HIRA: variants seen among roughly 807,000 people sequenced by gnomAD.
HIRA encodes histone cell cycle regulator.
Under a neutral mutation model 126.6 loss-of-function variants are expected in HIRA, and 13 were observed. The observed-to-expected ratio is 0.10, with a 90% CI of 0.07 to 0.16. The LOEUF is 0.16. Ranked by LOEUF, HIRA falls within the 10% of genes least tolerant of loss-of-function variation. The pLI, the probability that HIRA is intolerant of heterozygous loss-of-function variation, is 1.00. For missense variants in HIRA, 834 were observed against 1,314.4 expected (o/e 0.63, Z 5.65); for synonymous variants, 511 against 520.0 (o/e 0.98, Z 0.24).
intron 5 of HIRA, chr22:19,399,324 A>G (rs956835769): frequency 5.4e-6 from 1 of 185,136 alleles, no homozygotes; most frequent in African/African-American, 2.4e-5. Flanking sequence ...TTTTCCAGTT[A>G]AAAAAAAACT....
chr22:19,404,007 C>T (rs1039582388), intron 5 of HIRA, among the ~76,000 whole-genome samples: 3 of 152,098 alleles, frequency 2.0e-5, no homozygotes, highest in Admixed American at 1.3e-4. Flanking sequence ...ATAGTACAAA[C>T]ATTATATTGT....
At chr22:19,398,922 T>C (rs1037861961) in intron 5 of HIRA, among the ~76,000 whole-genome samples, 8 of 152,030 alleles carry the variant, frequency 5.3e-5, no homozygotes, top group African/African-American at 9.7e-5. Context: ...GTGACCATGA[T>C]TGCACCACTG....
At chr22:19,355,908 G>C (rs1417541642) in intron 20 of HIRA, 43 bp from the exon 21 acceptor site, 1 of 1,373,538 alleles carries the variant, frequency 7.3e-7, no homozygotes, top group Non-Finnish European at 1.0e-6. Context: ...GCTCTGATCA[G>C]CAAGTGTTTT....
At chr22:19,388,439 GCTT>G in intron 10 of HIRA, 42 bp downstream of exon 10, 1 of 1,473,806 alleles carries the variant, frequency 6.8e-7, no homozygotes, top group Non-Finnish European at 9.5e-7. Flanking sequence ...CCAATGTGTG[GCTT>G]CTCCTTTCTT....
chr22:19,383,797 A>T (rs1362247655), intron 12 of HIRA, 92 bp from the exon 13 acceptor site: 2 of 917,464 alleles, frequency 2.2e-6, no homozygotes, highest in Admixed American at 4.0e-5. Flanking sequence ...TCCTGGTGAT[A>T]AGAACACTAA....
chr22:19,411,081 C>A (rs1273403558), intron 1 of HIRA, among the ~76,000 whole-genome samples: 1 of 152,234 alleles, frequency 6.6e-6, no homozygotes, highest in Non-Finnish European at 1.5e-5. Flanking sequence ...CTCCAGACAT[C>A]TCCCTATTGC....
chr22:19,393,517 C>G (rs961763766), intron 8 of HIRA, among the ~76,000 whole-genome samples: 1 of 151,926 alleles, frequency 6.6e-6, no homozygotes, highest in Non-Finnish European at 1.5e-5. Context: ...GACACCATGC[C>G]CAGCTAATTT....
At chr22:19,407,133 A>G in intron 4 of HIRA, 51 bp downstream of exon 4, 1 of 1,452,570 alleles carries the variant, frequency 6.9e-7, no homozygotes, top group South Asian at 1.1e-5. Flanking sequence ...GATAAAGACC[A>G]GCAAAGCAGC....
chr22:19,348,759 T>G (rs2088719292), intron 24 of HIRA, among the ~76,000 whole-genome samples: 1 of 151,708 alleles, frequency 6.6e-6, no homozygotes, highest in African/African-American at 2.4e-5. Flanking sequence ...CCTCCCAAAG[T>G]GCTGGAATTA....
intron 7 of HIRA, among the ~76,000 whole-genome samples, chr22:19,395,540 T>C (rs1310106483): frequency 2.0e-5 from 3 of 152,186 alleles, no homozygotes; most frequent in East Asian, 1.9e-4. Context: ...CCAGTACTCA[T>C]ATACCTAGCC....
chr22:19,348,640 T>C (rs868976482), intron 24 of HIRA, among the ~76,000 whole-genome samples: 66 of 146,412 alleles, frequency 4.5e-4, no homozygotes, highest in African/African-American at 1.6e-3. Context: ...GGATTACAGG[T>C]GCCCGCCACC....
intron 8 of HIRA, 125 bp downstream of exon 8, chr22:19,394,217 C>A: frequency 3.4e-6 from 4 of 1,176,734 alleles, no homozygotes; most frequent in Non-Finnish European, 3.5e-6. Context: ...ATAAATCAAC[C>A]AAGTACATAC....
intron 9 of HIRA, among the ~76,000 whole-genome samples, chr22:19,391,586 A>G (rs2089182685): frequency 6.7e-6 from 1 of 148,422 alleles, no homozygotes; most frequent in African/African-American, 2.5e-5. Context: ...GGTTCACGCC[A>G]TTCTCCGTCT....
intron 21 of HIRA, 21 bp from the exon 22 acceptor site, chr22:19,354,139 G>T: frequency 6.2e-7 from 1 of 1,608,702 alleles, no homozygotes; most frequent in East Asian, 2.2e-5. Flanking sequence ...AAAGGCAGGA[G>T]CAGAGCTCAG....
intron 14 of HIRA, among the ~76,000 whole-genome samples, chr22:19,377,004 G>A (rs1041781397): frequency 3.9e-5 from 6 of 152,236 alleles, no homozygotes; most frequent in African/African-American, 1.4e-4. Context: ...ACCTGATCCA[G>A]CACAGACACC....
chr22:19,348,118 G>T (rs2088708569), intron 24 of HIRA, among the ~76,000 whole-genome samples: 1 of 152,194 alleles, frequency 6.6e-6, no homozygotes, highest in Non-Finnish European at 1.5e-5. Context: ...TTGAGTTCCA[G>T]GCAGCCTAGA....
intron 15 of HIRA, among the ~76,000 whole-genome samples, chr22:19,368,470 A>G (rs2088934844): frequency 1.3e-5 from 2 of 151,898 alleles, no homozygotes; most frequent in Non-Finnish European, 2.9e-5. Context: ...CTCTTCAAAG[A>G]GCTTGTTTTA....
chr22:19,408,793 A>G (rs566099304), intron 2 of HIRA, among the ~76,000 whole-genome samples, 200 bp from the exon 3 acceptor site: 1 of 152,336 alleles, frequency 6.6e-6, no homozygotes, highest in African/African-American at 2.4e-5. Flanking sequence ...AACGGAGCGG[A>G]CTTAGCAGTC....
chr22:19,401,281 ACT>A (rs1393827933), intron 5 of HIRA, among the ~76,000 whole-genome samples: 2 of 150,880 alleles, frequency 1.3e-5, no homozygotes, highest in Non-Finnish European at 3.0e-5. Context: ...TCCTTCAAAT[ACT>A]CTCTTCACTG....
Sources: gnomAD v4.1 joint callset for allele counts (sites outside exome capture counted in the v4.1 genomes callset) on GRCh38, gnomAD v4.1.1 for gene constraint, MANE v1.5 for transcripts, NCBI Gene and HGNC (gene_info 2026-07-23, HGNC 2026-07-21) for gene names.